The following THSD4 variants were observed in gnomAD, a reference collection of about 807,000 sequenced individuals.
THSD4 encodes thrombospondin type-1 domain-containing protein 4.
A neutral mutation model predicts 119.0 loss-of-function variants in THSD4; 69 were observed. That is an observed-to-expected ratio of 0.58 (90% confidence interval 0.48 to 0.71). The LOEUF (loss-of-function observed/expected upper bound fraction) is 0.71, where lower values mean the gene tolerates loss of function less well. Ranked by LOEUF, THSD4 falls within the 30% of genes least tolerant of loss-of-function variation. The probability of loss-of-function intolerance (pLI) is 0.00; values close to 1 mark genes in which losing one functional copy is unlikely to be tolerated. For synonymous variants in THSD4, 524 were observed against 540.4 expected (o/e 0.97, Z 0.42); for missense variants, 1,393 against 1,391.1 (o/e 1.00, Z -0.02).
rs549714230 is a variant in THSD4, at chr15:71,391,291, A to C, written c.1016-20396A>C. On this transcript the variant is annotated intron_variant, in intron 6 of 17. Transcript: ENST00000261862. Reference sequence around the variant, plus strand: ...TGATCCGCCTGCCTCGGCCTCTCAAAGTGCTGGGATTACAGGCGTGAGCCA... The same window carrying C: ...TGATCCGCCTGCCTCGGCCTCTCAACGTGCTGGGATTACAGGCGTGAGCCA... Among the ~76,000 whole-genome samples, 699 of 152,178 alleles carry C rather than the reference A, an allele frequency of 4.6e-3. 2 individuals carry two copies. Among genetic ancestry groups the C allele is most frequent in the African/African-American group, 0.016 (649 of 41,542 alleles).
intron 6 of THSD4, among the ~76,000 whole-genome samples, chr15:71,264,973 G>A (rs2044447313): frequency 6.6e-6 from 1 of 152,072 alleles, no homozygotes; most frequent in South Asian, 2.1e-4. Flanking sequence ...GGGACTCTAA[G>A]GAACTAATTA....
intron 11 of THSD4, among the ~76,000 whole-genome samples, chr15:71,742,701 T>A (rs2053260026): frequency 6.6e-6 from 1 of 151,844 alleles, no homozygotes; most frequent in East Asian, 1.9e-4. Flanking sequence ...GCTGTCTCCC[T>A]TTCTAAATAT....
At chr15:71,376,240 G>T (rs1425436978) in intron 6 of THSD4, among the ~76,000 whole-genome samples, 2 of 130,624 alleles carry the variant, frequency 1.5e-5, no homozygotes, top group African/African-American at 5.6e-5. Flanking sequence ...ATGTATGTAG[G>T]ACAAGATGAA....
At chr15:71,194,632 G>T (rs1269515096) in intron 3 of THSD4, among the ~76,000 whole-genome samples, 1 of 152,192 alleles carries the variant, frequency 6.6e-6, no homozygotes, top group African/African-American at 2.4e-5. Context: ...CCCATTTGGA[G>T]AGGCCCCTAC....
chr15:71,700,966 GGA>G (rs2052277567), intron 8 of THSD4, among the ~76,000 whole-genome samples: 2 of 151,968 alleles, frequency 1.3e-5, no homozygotes, highest in Admixed American at 1.3e-4. Flanking sequence ...TTTGTGGTGA[GGA>G]GAGACTTTCT....
chr15:71,156,283 G>C (rs2040776436), intron 3 of THSD4, among the ~76,000 whole-genome samples: 1 of 150,454 alleles, frequency 6.6e-6, no homozygotes, highest in Non-Finnish European at 1.5e-5. Context: ...TTGAGATGGA[G>C]TTTCGCTCTT....
chr15:71,663,403 G>C (rs1389051907), intron 8 of THSD4, among the ~76,000 whole-genome samples: 1 of 152,208 alleles, frequency 6.6e-6, no homozygotes, highest in African/African-American at 2.4e-5. Flanking sequence ...AGAGAGAGCA[G>C]AAACAAAAGA....
At chr15:71,677,315 A>G (rs72742773) in intron 8 of THSD4, among the ~76,000 whole-genome samples, 13,328 of 152,248 alleles carry the variant, frequency 0.088, 920 homozygotes, top group East Asian at 0.31. Flanking sequence ...GAAAGTGATC[A>G]TTGAGTATTT....
chr15:71,502,433 T>C (rs534351295), intron 7 of THSD4, among the ~76,000 whole-genome samples: 4 of 152,334 alleles, frequency 2.6e-5, no homozygotes, highest in African/African-American at 9.6e-5. Context: ...GAGGTTATCA[T>C]GGATCACAGA....
intron 8 of THSD4, 105 bp downstream of exon 8, chr15:71,660,839 G>T: frequency 7.9e-7 from 1 of 1,265,214 alleles, no homozygotes; most frequent in Non-Finnish European, 1.1e-6. Context: ...CCCGGGGCAT[G>T]CAGGCAGTGC....
chr15:71,453,589 A>C (rs1246363606), intron 7 of THSD4, among the ~76,000 whole-genome samples: 1 of 152,254 alleles, frequency 6.6e-6, no homozygotes, highest in East Asian at 1.9e-4. Context: ...AGATTTTGAC[A>C]TTGAGTAACA....
intron 7 of THSD4, among the ~76,000 whole-genome samples, chr15:71,616,815 G>C (rs191429652): frequency 1.1e-3 from 166 of 152,326 alleles, no homozygotes; most frequent in African/African-American, 2.7e-3. Flanking sequence ...CCAAGCATCT[G>C]TGACTGTTTC....
intron 7 of THSD4, among the ~76,000 whole-genome samples, chr15:71,499,512 A>T (rs1022066618): frequency 4.6e-5 from 7 of 151,534 alleles, no homozygotes; most frequent in African/African-American, 1.7e-4. Context: ...AAAAAAAAAA[A>T]ACATAAAATT....
intron 3 of THSD4, among the ~76,000 whole-genome samples, chr15:71,212,578 A>G (rs991575954): frequency 2.0e-5 from 3 of 152,224 alleles, no homozygotes; most frequent in South Asian, 4.1e-4. Context: ...TTGTTCGTTT[A>G]TCCCAATGAT....
intron 3 of THSD4, among the ~76,000 whole-genome samples, chr15:71,199,773 GT>G (rs1390994886): frequency 6.4e-4 from 91 of 141,872 alleles, no homozygotes; most frequent in African/African-American, 1.5e-3. Flanking sequence ...TGTGGTGTGT[GT>G]GGTGTGTGGG....
At chr15:71,130,934 C>T (rs1424825055) in intron 1 of THSD4, among the ~76,000 whole-genome samples, 2 of 151,996 alleles carry the variant, frequency 1.3e-5, no homozygotes, top group Non-Finnish European at 2.9e-5. Context: ...TTAGTAGAGA[C>T]GGGGTTTCAC....
rs148741222 is a variant in THSD4, at chr15:71,712,048, G to A, written c.1358-16501G>A. Among the ~76,000 whole-genome samples the A allele has an allele frequency of 8.5e-3, 1,289 of 152,182 alleles. 16 individuals are homozygous for A. Among genetic ancestry groups the A allele is most frequent in the Non-Finnish European group, 0.014 (945 of 67,984 alleles). On this transcript the variant is annotated intron_variant, in intron 8 of 17. Coordinates refer to ENST00000261862, the MANE Select transcript of THSD4 (RefSeq NM_024817.3). Reference sequence around the variant, plus strand: ...TTATACAACACTCCAACCAACAGCAGCAGAACACATATTCTTTTCAAGTGT... The same window carrying A: ...TTATACAACACTCCAACCAACAGCAACAGAACACATATTCTTTTCAAGTGT...
Position 71,296,058 on chromosome 15 carries a change from A to G in THSD4, c.1015+39343A>G, listed in dbSNP as rs571204014. Among the ~76,000 whole-genome samples the G allele has an allele frequency of 7.2e-5, 11 of 152,292 alleles. No individual in the cohort carries two copies. The South Asian group carries it at 1.2e-3, about 17-fold the overall frequency. On this transcript the variant is annotated intron_variant, in intron 6 of 17. Transcript: ENST00000261862. ...TATGTCACATGTTATTTATCTACTT[A>G]TCAGTTGATGGATATTTGATCCAGT...
intron 7 of THSD4, among the ~76,000 whole-genome samples, chr15:71,486,349 T>C (rs767738036): frequency 3.9e-5 from 6 of 152,218 alleles, no homozygotes; most frequent in Admixed American, 2.0e-4. Flanking sequence ...AAAGTGAAAT[T>C]TTCCGAGGCC....
Sources: gnomAD v4.1 joint callset for allele counts (sites outside exome capture counted in the v4.1 genomes callset) on GRCh38, gnomAD v4.1.1 for gene constraint, MANE v1.5 for transcripts, NCBI Gene and HGNC (gene_info 2026-07-23, HGNC 2026-07-21) for gene names.